Variants in ZNF462 observed in about 807,000 individuals in gnomAD.
The protein encoded by ZNF462 is zinc finger protein 462, also known as zinc finger PBX1-interacting protein.
ZNF462 carries 10 observed loss-of-function variants against 201.9 expected under a neutral mutation model. That is an observed-to-expected ratio of 0.05 (90% CI 0.03 to 0.08). The LOEUF is 0.08. Among genes scored for constraint, ZNF462 ranks in the 10% least tolerant of loss-of-function variants. The pLI is 1.00. For synonymous variants in ZNF462, 1,227 were observed against 1,193.3 expected (o/e 1.03, Z -0.58); for missense variants, 2,523 against 3,168.3 (o/e 0.80, Z 4.89).
intron 5 of ZNF462, among the ~76,000 whole-genome samples, chr9:106,934,319 T>C (rs1293776400): frequency 1.4e-5 from 2 of 145,418 alleles, no homozygotes; most frequent in Non-Finnish European, 3.0e-5. Context: ...AAAAAATCCA[T>C]GGGGGCTGGG....
Position 107,006,085 on chromosome 9 carries a change from A to G in ZNF462, c.7189+2659A>G, listed in dbSNP as rs888097638. 2.6e-5 allele frequency among the ~76,000 whole-genome samples: 4 copies of G among 152,116 alleles called. No individual in the cohort carries two copies. Among genetic ancestry groups the G allele is most frequent in the African/African-American group, 9.7e-5 (4 of 41,440 alleles). ...AGTACCATGCTGTTTTGATTACTAT[A>G]GTTTTGTAGTCAACTTTGAAGTCGG... On this transcript the variant is annotated intron_variant, in intron 11 of 12. Coordinates refer to ENST00000277225, the MANE Select transcript of ZNF462 (RefSeq NM_021224.6). This position sits in a 1 kb window ranked among gnomAD's most constrained non-coding sequence, Gnocchi z 4.3.
rs537654239 is a variant in ZNF462 at position 106,940,876 on chromosome 9, G to A, written c.6427+1769G>A. ...ATCTTCTATTCACCAGGAAAGGTTG[G>A]TATATTGCAACCAGAAGGGCAAAAT... On this transcript the variant is annotated intron_variant, in intron 7 of 12. Transcript: ENST00000277225. Among the ~76,000 whole-genome samples the A allele has an allele frequency of 4.7e-4, 72 of 152,216 alleles. 1 individual carries two copies. In the South Asian group the frequency reaches 0.015, roughly 31 times the overall value.
At chr9:106,941,282 TAAA>T (rs756374858) in intron 7 of ZNF462, among the ~76,000 whole-genome samples, 2 of 152,148 alleles carry the variant, frequency 1.3e-5, no homozygotes, top group Non-Finnish European at 2.9e-5. Flanking sequence ...TCCGACAACT[TAAA>T]ATCAACTGTT....
At position 106,870,963 on chromosome 9, in the gene ZNF462, G is replaced by T. The variant is rs954326836; in HGVS notation, c.-31+7608G>T. ...GCCATTATTCTTCAGTTTTGCTCAT[G>T]TCAGCTGAGTGTTTCTCTTTTGAAC... On this transcript the variant is annotated intron_variant, in intron 1 of 12. Coordinates refer to ENST00000277225, the MANE Select transcript of ZNF462 (RefSeq NM_021224.6). The surrounding 1 kb of genome is among the most constrained non-coding windows in gnomAD (Gnocchi z 4.3). 6.6e-6 allele frequency among the ~76,000 whole-genome samples: 1 copy of T among 152,166 alleles called. No homozygotes were observed. Among genetic ancestry groups the T allele is most frequent in the African/African-American group, 2.4e-5 (1 of 41,428 alleles).
At chr9:106,988,001 A>C (rs1013239368) in intron 10 of ZNF462, among the ~76,000 whole-genome samples, 3 of 152,126 alleles carry the variant, frequency 2.0e-5, no homozygotes, top group Admixed American at 2.0e-4. Flanking sequence ...TGGGTTCTCT[A>C]TTCTGTTCCA....
At position 106,939,014 on chromosome 9, in the gene ZNF462, C is replaced by G; in HGVS notation, c.6334C>G (p.Leu2112Val). 6.2e-7 allele frequency: 1 copy of G among 1,614,058 alleles called. No homozygotes were observed. The highest frequency in any genetic ancestry group is 8.5e-7 in the Non-Finnish European group (1 of 1,179,984). The change falls in exon 7 of 13, where the codon CTC (leucine) becomes GTC (valine). Residue 2112 changes from leucine (L) to valine (V), a missense_variant. Around this residue, in one of 15 missense-constraint regions of ZNF462, gnomAD observed 138 missense variants for 146.3 expected, o/e 0.94. Transcript: ENST00000277225. Reference sequence around the variant, plus strand: ...CAAGGTCCACGGAAAAGCCCTGACCCTCCCCAGGCCACGGATCGTCAGTCT... The same window carrying G: ...CAAGGTCCACGGAAAAGCCCTGACCGTCCCCAGGCCACGGATCGTCAGTCT... Reference protein sequence around the residue: ...SLKVHGKALTLPRPRIVSLLS... With the variant: ...SLKVHGKALTVPRPRIVSLLS...
chr9:106,901,415 A>G (rs1188993838), intron 1 of ZNF462, among the ~76,000 whole-genome samples: 4 of 152,144 alleles, frequency 2.6e-5, no homozygotes, highest in Non-Finnish European at 4.4e-5. Context: ...TTTTGGTTCC[A>G]TATGAATTTT....
rs890369291 is a variant in ZNF462, at chr9:107,011,195, A to G, written c.*165A>G. On this transcript the variant is annotated 3_prime_UTR_variant, in exon 13 of 13. Coordinates refer to ENST00000277225, the MANE Select transcript of ZNF462 (RefSeq NM_021224.6). This position sits in a 1 kb window ranked among gnomAD's most constrained non-coding sequence, Gnocchi z 5.6. The stretch of plus-strand genomic sequence containing the variant: ...AGCACTGGTACCTGTGTGAGTGAGT[A>G]TGTAAATTAAAGTTATTTAAATGGT... 2.8e-5 allele frequency: 17 copies of G among 615,704 alleles called. No individual in the cohort carries two copies. Among genetic ancestry groups the G allele is most frequent in the Non-Finnish European group, 3.9e-5 (14 of 355,112 alleles). The allele number at this position is 615,704 out of a possible 1,614,324, so 38.1% of individuals were successfully genotyped here.
At chr9:106,868,074 G>GA (rs5899719) in intron 1 of ZNF462, among the ~76,000 whole-genome samples, 142,366 of 145,552 alleles carry the variant, frequency 0.98, 69,627 homozygotes, top group East Asian at 0.99. Flanking sequence ...CCAGTGAACT[G>GA]AAAAAAAAAA....
In ZNF462 at chr9:107,003,565, A is replaced by AATCT; in HGVS notation, c.7189+140_7189+141insTCTA. The AATCT allele has an allele frequency of 9.0e-7, 1 of 1,105,030 alleles. No individual in the cohort carries two copies. The highest frequency in any genetic ancestry group is 1.2e-6 in the Non-Finnish European group (1 of 822,118). 68.5% of individuals were successfully genotyped at this position (1,105,030 alleles called of 1,614,324 possible). On this transcript the variant is annotated intron_variant, in intron 11 of 12. Coordinates refer to ENST00000277225, the MANE Select transcript of ZNF462 (RefSeq NM_021224.6). The surrounding 1 kb of genome is among the most constrained non-coding windows in gnomAD (Gnocchi z 4.4). ...TAAGTAGCAGAACAGACTGACTTAG[A>AATCT]AAACACATCAAGAGCTGTGTCTTTG...
At position 106,991,263 on chromosome 9, in the gene ZNF462, A is replaced by C. The variant is rs1301439811; in HGVS notation, c.7056+6854A>C. Among the ~76,000 whole-genome samples, 5 of 152,014 alleles carry C rather than the reference A, an allele frequency of 3.3e-5. No individual in the cohort carries two copies. The South Asian group carries it at 8.3e-4, about 25-fold the overall frequency. ...ATCAGTTATGTTTCTGTATACTAGT[A>C]ATGGACAACTGGAAAATGAAATTTT... On this transcript the variant is annotated intron_variant, in intron 10 of 12. Transcript: ENST00000277225.
Position 106,978,988 on chromosome 9 carries a change from C to G in ZNF462, c.6832+4715C>G, listed in dbSNP as rs1211024024. ...GTGAAGGCAACAGTAGTGCAGATCT[C>G]CCTGTGGACTAGACACCCCAATTTG... On this transcript the variant is annotated intron_variant, in intron 9 of 12. Transcript: ENST00000277225. This position sits in a 1 kb window ranked among gnomAD's most constrained non-coding sequence, Gnocchi z 4.1. The G allele has an allele frequency of 4.2e-6, 1 of 240,878 alleles. No homozygotes were observed. Among genetic ancestry groups the G allele is most frequent in the African/African-American group, 2.4e-5 (1 of 41,658 alleles). 14.9% of individuals were successfully genotyped at this position (240,878 alleles called of 1,614,324 possible).
rs192549250 is a variant in ZNF462 at position 106,988,632 on chromosome 9, A to G, written c.7056+4223A>G. ...AAATTTGTAGATTGCTTTTGGCAGT[A>G]TGGTCATTTTCACAATGTTGATTCT... On this transcript the variant is annotated intron_variant, in intron 10 of 12. Transcript: ENST00000277225. Among the ~76,000 whole-genome samples the G allele has an allele frequency of 4.4e-3, 668 of 152,246 alleles. 6 individuals are homozygous for G. Among genetic ancestry groups the G allele is most frequent in the Non-Finnish European group, 5.9e-3 (403 of 68,008 alleles).
intron 1 of ZNF462, among the ~76,000 whole-genome samples, chr9:106,907,892 A>T (rs1829338774): frequency 6.6e-6 from 1 of 151,936 alleles, no homozygotes; most frequent in African/African-American, 2.4e-5. Context: ...ACCAGATTCC[A>T]TATTTAAATA....
In ZNF462 at chr9:106,935,773, G is replaced by A; in HGVS notation, c.6235+152G>A. Reference sequence around the variant, plus strand: ...TTCAGTTTTATTTTTACCTAGTAAAGAAAAAATAAAGAAAAAAGTAAAAGT... The same window carrying A: ...TTCAGTTTTATTTTTACCTAGTAAAAAAAAAATAAAGAAAAAAGTAAAAGT... On this transcript the variant is annotated intron_variant, in intron 6 of 12. Coordinates refer to ENST00000277225, the MANE Select transcript of ZNF462 (RefSeq NM_021224.6). This position sits in a 1 kb window ranked among gnomAD's most constrained non-coding sequence, Gnocchi z 4.1. 8.8e-6 allele frequency: 5 copies of A among 566,036 alleles called. No homozygotes were observed. The highest frequency in any genetic ancestry group is 1.1e-5 in the Non-Finnish European group (4 of 349,046). 35.1% of individuals were successfully genotyped at this position (566,036 alleles called of 1,614,324 possible). A position where few individuals can be genotyped will look rare whatever the true frequency, so the allele number is the denominator to read the frequency against.
At chr9:106,900,364 C>T (rs967709253) in intron 1 of ZNF462, among the ~76,000 whole-genome samples, 1 of 151,904 alleles carries the variant, frequency 6.6e-6, no homozygotes, top group Non-Finnish European at 1.5e-5. Context: ...GTATCTTTTT[C>T]GAATAATGAC....
Position 106,885,997 on chromosome 9 carries a change from A to G in ZNF462, c.-31+22642A>G, listed in dbSNP as rs1462438408. The stretch of plus-strand genomic sequence containing the variant: ...GGGACTTTTTGTTTTCCCCAGGAAA[A>G]GGTAACGTATGCTCAAGGTAGCCTT... On this transcript the variant is annotated intron_variant, in intron 1 of 12. Coordinates refer to ENST00000277225, the MANE Select transcript of ZNF462 (RefSeq NM_021224.6). This position sits in a 1 kb window ranked among gnomAD's most constrained non-coding sequence, Gnocchi z 4.1. Among the ~76,000 whole-genome samples the G allele has an allele frequency of 6.6e-6, 1 of 152,198 alleles. No individual in the cohort carries two copies. Among genetic ancestry groups the G allele is most frequent in the African/African-American group, 2.4e-5 (1 of 41,454 alleles).
chr9:107,004,939 C>A (rs1232018918), intron 11 of ZNF462, among the ~76,000 whole-genome samples: 2 of 152,038 alleles, frequency 1.3e-5, no homozygotes, highest in East Asian at 3.9e-4. Context: ...CTAGTTTCCC[C>A]ACATAAGTGA....
chr9:106,926,829 G>A lies in ZNF462; in HGVS notation c.2917G>A (p.Glu973Lys). The A allele has an allele frequency of 6.2e-7, 1 of 1,614,160 alleles. No individual in the cohort carries two copies. The highest frequency in any genetic ancestry group is 2.2e-5 in the East Asian group (1 of 44,882). ...GGAGCAGCAGGAAGGGCTGAATACA[G>A]AATCCCAGACCCTGAGGGAGATTCT... ...VVEQQEGLNT[E>K]SQTLREILNS... The change falls in exon 3 of 13, where the codon GAA (glutamate) becomes AAA (lysine). Residue 973 changes from glutamate to lysine, a missense_variant. This residue lies in a region of ZNF462 where 280 missense variants were observed against 321.3 expected (regional missense o/e 0.87). Coordinates refer to ENST00000277225, the MANE Select transcript of ZNF462 (RefSeq NM_021224.6). The surrounding 1 kb of genome is among the most constrained non-coding windows in gnomAD (Gnocchi z 7.9).
Sources: allele counts gnomAD v4.1 joint callset (sites outside exome capture counted in the v4.1 genomes callset), GRCh38; gene constraint gnomAD v4.1.1; regional missense constraint gnomAD v4.1.1; non-coding constraint Gnocchi (gnomAD v3.1); transcripts MANE v1.5; gene names NCBI Gene and HGNC (gene_info 2026-07-23, HGNC 2026-07-21).